The following RALGAPB variants were observed in gnomAD, a reference collection of about 807,000 sequenced individuals.
RALGAPB encodes the protein ral GTPase-activating protein subunit beta.
Under a neutral mutation model 161.1 loss-of-function variants are expected in RALGAPB, and 25 were observed. The ratio of observed to expected loss-of-function variants is 0.16; its 90% CI spans 0.11 to 0.22. The LOEUF (loss-of-function observed/expected upper bound fraction) is 0.22. Among genes scored for constraint, RALGAPB ranks in the 10% least tolerant of loss-of-function variants. The pLI is 1.00. For missense variants in RALGAPB, 1,391 were observed against 1,815.2 expected (o/e 0.77, Z 4.25); for synonymous variants, 629 against 626.1 (o/e 1.00, Z -0.07).
intron 1 of RALGAPB, among the ~76,000 whole-genome samples, chr20:38,485,114 G>A (rs982052357): frequency 1.7e-4 from 26 of 152,126 alleles, no homozygotes; most frequent in Admixed American, 8.5e-4. Flanking sequence ...TATTAAAATA[G>A]CACAATATAT....
intron 16 of RALGAPB, 77 bp downstream of exon 16, chr20:38,535,284 G>C (rs902731814): frequency 2.7e-6 from 4 of 1,489,856 alleles, no homozygotes; most frequent in Non-Finnish European, 3.7e-6. Flanking sequence ...TTAACCCCTT[G>C]TGTGGGTATT....
At chr20:38,489,731 G>A (rs2085220905) in intron 2 of RALGAPB, among the ~76,000 whole-genome samples, 1 of 152,102 alleles carries the variant, frequency 6.6e-6, no homozygotes, top group South Asian at 2.1e-4. Context: ...ACTAAAACTT[G>A]TAGCTCTAAG....
chr20:38,562,169 A>G (rs1353514203), intron 23 of RALGAPB, among the ~76,000 whole-genome samples: 6 of 152,254 alleles, frequency 3.9e-5, no homozygotes, highest in Non-Finnish European at 7.3e-5. Context: ...TTAACCAGAC[A>G]GTAAACTCTG....
intron 24 of RALGAPB, 112 bp from the exon 25 acceptor site, chr20:38,565,247 A>G: frequency 1.6e-6 from 2 of 1,237,920 alleles, no homozygotes; most frequent in Non-Finnish European, 2.2e-6. Flanking sequence ...CTTGTTGAAA[A>G]CATATATTCT....
At chr20:38,525,557 G>GT (rs762787412) in intron 12 of RALGAPB, 39 bp downstream of exon 12, 12 of 1,407,816 alleles carry the variant, frequency 8.5e-6, no homozygotes, top group Non-Finnish European at 1.1e-5. Flanking sequence ...CCTATATTCT[G>GT]TTTTTTGTAC....
At chr20:38,513,897 A>G (rs1371842726) in intron 6 of RALGAPB, among the ~76,000 whole-genome samples, 2 of 152,180 alleles carry the variant, frequency 1.3e-5, no homozygotes, top group Non-Finnish European at 2.9e-5. Flanking sequence ...TGAATTGGAT[A>G]GGAAAACTTT....
At chr20:38,480,526 A>G (rs1265960874) in intron 1 of RALGAPB, among the ~76,000 whole-genome samples, 1 of 150,594 alleles carries the variant, frequency 6.6e-6, no homozygotes, top group East Asian at 2.0e-4. Context: ...AGCTGGGATT[A>G]CAGGCGCACG....
At position 38,535,088 on chromosome 20, in the gene RALGAPB, T is replaced by G. The variant is rs1476675783; in HGVS notation, c.2260T>G (p.Ser754Ala). ...LLRDYALNTDSAAGLLIRSIH... is the reference protein window; with the variant it reads ...LLRDYALNTDAAAGLLIRSIH... ...TTATATCCTAGCTCTTAATACAGAT[T>G]CAGCTGCTGGGCTCCTGATTCGCAG... The change falls in exon 16 of 30, where the codon TCA becomes GCA. Residue 754 changes from serine (S) to alanine (A), a missense_variant. Physicochemically the swap from Ser to Ala is moderately conservative, Grantham distance 99. Coordinates refer to ENST00000262879, the MANE Select transcript of RALGAPB (RefSeq NM_020336.4). The G allele has an allele frequency of 6.2e-7, 1 of 1,614,056 alleles. No individual in the cohort carries two copies. The highest frequency in any genetic ancestry group is 2.2e-5 in the East Asian group (1 of 44,884).
intron 3 of RALGAPB, among the ~76,000 whole-genome samples, chr20:38,494,431 G>C (rs1489862156): frequency 6.6e-6 from 1 of 152,210 alleles, no homozygotes; most frequent in Non-Finnish European, 1.5e-5. Context: ...AGGAGTTCCA[G>C]ACCAGCCTGG....
At chr20:38,574,385 G>A (rs2088356524) in intron 29 of RALGAPB, 87 bp downstream of exon 29, 14 of 1,402,600 alleles carry the variant, frequency 1.0e-5, no homozygotes, top group South Asian at 5.9e-5. Flanking sequence ...ATAAGGAAAT[G>A]GTGATAATTA....
chr20:38,550,890 G>A (rs981256270), intron 20 of RALGAPB, among the ~76,000 whole-genome samples, 181 bp from the exon 21 acceptor site: 2 of 152,156 alleles, frequency 1.3e-5, no homozygotes, highest in African/African-American at 4.8e-5. Context: ...GAAAAATAGA[G>A]TACACAGGGG....
chr20:38,506,277 A>G (rs2085760945), intron 5 of RALGAPB, among the ~76,000 whole-genome samples: 2 of 151,354 alleles, frequency 1.3e-5, no homozygotes, highest in African/African-American at 4.9e-5. Context: ...GGACAACTGT[A>G]TAGGTTCCTG....
At chr20:38,515,508 T>G (rs1289524886) in intron 6 of RALGAPB, among the ~76,000 whole-genome samples, 1 of 150,094 alleles carries the variant, frequency 6.7e-6, no homozygotes, top group East Asian at 1.9e-4. Flanking sequence ...TATTTCAAAC[T>G]GTTTGTACAT....
chr20:38,498,645 T>G (rs1229511673), intron 4 of RALGAPB, among the ~76,000 whole-genome samples: 1 of 152,220 alleles, frequency 6.6e-6, no homozygotes, highest in Non-Finnish European at 1.5e-5. Flanking sequence ...TGTTGAAACT[T>G]TGGTTTTGCT....
At chr20:38,568,025 A>G (rs1006202055) in intron 26 of RALGAPB, among the ~76,000 whole-genome samples, 7 of 152,212 alleles carry the variant, frequency 4.6e-5, no homozygotes, top group Non-Finnish European at 1.0e-4. Context: ...TTTAGAGATG[A>G]TCAGTCAGTA....
intron 21 of RALGAPB, 45 bp from the exon 22 acceptor site, chr20:38,553,822 A>G: frequency 1.0e-6 from 1 of 956,960 alleles, no homozygotes; most frequent in Non-Finnish European, 1.6e-6. Flanking sequence ...TGGCCTTACT[A>G]GTTTGATAAT....
chr20:38,553,777 CAAAAAAAAA>C (rs35778032), intron 21 of RALGAPB, 81 bp from the exon 22 acceptor site: 179 of 278,792 alleles, frequency 6.4e-4, no homozygotes, highest in Non-Finnish European at 8.9e-4. Flanking sequence ...AGCCCAGTCT[CAAAAAAAAA>C]AAAAAAAAAA....
At chr20:38,566,701 A>G (rs1359162436) in intron 25 of RALGAPB, among the ~76,000 whole-genome samples, 1 of 152,236 alleles carries the variant, frequency 6.6e-6, no homozygotes, top group Non-Finnish European at 1.5e-5. Context: ...ACATGATTGA[A>G]TATATAATCT....
intron 28 of RALGAPB, 124 bp downstream of exon 28, chr20:38,570,971 C>A: frequency 3.1e-6 from 2 of 644,456 alleles, no homozygotes; most frequent in Admixed American, 3.3e-5. Context: ...CAAAAAAGAT[C>A]AAAGAAAGAA....
Sources: gnomAD v4.1 joint callset for allele counts (sites outside exome capture counted in the v4.1 genomes callset) on GRCh38, gnomAD v4.1.1 for gene constraint, MANE v1.5 for transcripts, NCBI Gene and HGNC (gene_info 2026-07-23, HGNC 2026-07-21) for gene names.